Variants in HEATR5B observed in about 807,000 individuals in gnomAD.
HEATR5B encodes the protein HEAT repeat-containing protein 5B.
A neutral mutation model predicts 224.1 loss-of-function variants in HEATR5B; 156 were observed. The ratio of observed to expected loss-of-function variants is 0.70; its 90% confidence interval spans 0.61 to 0.80. HEATR5B has a LOEUF of 0.80. Among genes scored for constraint, HEATR5B ranks in the 30% least tolerant of loss-of-function variants. HEATR5B has a pLI of 0.00. For synonymous variants in HEATR5B, 1,027 were observed against 893.0 expected (o/e 1.15, Z -2.68); for missense variants, 2,323 against 2,535.5 (o/e 0.92, Z 1.80).
chr2:36,996,667 C>T (rs532565976), intron 33 of HEATR5B, among the ~76,000 whole-genome samples: 1 of 152,196 alleles, frequency 6.6e-6, no homozygotes, highest in East Asian at 1.9e-4. Context: ...TTTCGGCTCA[C>T]CGCAGCCTCT....
rs749477439 is a variant in HEATR5B, at chr2:37,068,950, C to A, written c.928-20G>T. The A allele has an allele frequency of 5.6e-6, 9 of 1,603,772 alleles. No homozygotes were observed. In the African/African-American group the frequency reaches 1.2e-4, roughly 21 times the overall value. Reference sequence around the variant, plus strand: ...ATACGCCTGTAAAAAGAGGAAGGTACGACTTCAGATACACTTACATAACTG... The same window carrying A: ...ATACGCCTGTAAAAAGAGGAAGGTAAGACTTCAGATACACTTACATAACTG... On this transcript the variant is annotated intron_variant, in intron 7 of 35. Coordinates refer to ENST00000233099, the MANE Select transcript of HEATR5B (RefSeq NM_019024.3).
intron 33 of HEATR5B, 92 bp from the exon 34 acceptor site, chr2:36,990,891 T>C: frequency 1.8e-6 from 2 of 1,119,984 alleles, no homozygotes; most frequent in Admixed American, 2.6e-5. Context: ...TGTCTTGCCA[T>C]GTTGTCCAGG....
intron 33 of HEATR5B, among the ~76,000 whole-genome samples, chr2:36,999,994 G>T (rs192168864): frequency 6.6e-6 from 1 of 151,562 alleles, no homozygotes; most frequent in Non-Finnish European, 1.5e-5. Context: ...TCTGGGTGAC[G>T]GAGCGAGACT....
intron 12 of HEATR5B, among the ~76,000 whole-genome samples, chr2:37,059,461 TATA>T (rs1444856358): frequency 0.03 from 3,236 of 109,072 alleles, 152 homozygotes; most frequent in South Asian, 0.056. Flanking sequence ...TATATATATA[TATA>T]TTTTTTTTTT....
At chr2:37,019,773 G>T in intron 26 of HEATR5B, 36 bp downstream of exon 26, 1 of 1,389,088 alleles carries the variant, frequency 7.2e-7, no homozygotes, top group Non-Finnish European at 1.0e-6. Context: ...TGAATGTATA[G>T]AAGACAACTA....
rs1670918354 is a variant in HEATR5B at position 37,056,457 on chromosome 2, A to T, written c.2382T>A (p.His794Gln). The change falls in exon 16 of 36, where the codon CAT (histidine) becomes CAA (glutamine). Residue 794 changes from histidine to glutamine, a missense_variant. His to Gln is a conservative substitution (Grantham distance 24). This residue lies in a region of HEATR5B where 170 missense variants were observed against 216.7 expected (regional missense o/e 0.78). Coordinates refer to ENST00000233099, the MANE Select transcript of HEATR5B (RefSeq NM_019024.3). Reference protein sequence around the residue: ...SVALFGVVFPHVSYKHRLQML... With the variant: ...SVALFGVVFPQVSYKHRLQML... ...ATACTAACCGGTGTTTATAAGAAAC[A>T]TGAGGAAACACTACACCAAAAAGGG... is the stretch of plus-strand genomic sequence containing the variant. The T allele has an allele frequency of 1.9e-6, 3 of 1,604,624 alleles. No homozygotes were observed. Among genetic ancestry groups the T allele is most frequent in the Non-Finnish European group, 1.7e-6 (2 of 1,177,146 alleles).
chr2:37,076,735 C>T (rs1353442307), intron 4 of HEATR5B, among the ~76,000 whole-genome samples, 176 bp downstream of exon 4: 1 of 150,814 alleles, frequency 6.6e-6, no homozygotes, highest in Non-Finnish European at 1.5e-5. Context: ...CAAAGAAAAG[C>T]ATTCTTTCCC....
At chr2:37,012,521 G>C (rs563762134) in intron 27 of HEATR5B, among the ~76,000 whole-genome samples, 1 of 152,184 alleles carries the variant, frequency 6.6e-6, no homozygotes, top group African/African-American at 2.4e-5. Context: ...CTCCCAAGTA[G>C]CTGGGATTAC....
chr2:37,024,627 A>G (rs1558746089), intron 24 of HEATR5B, among the ~76,000 whole-genome samples: 1 of 152,246 alleles, frequency 6.6e-6, no homozygotes, highest in South Asian at 2.1e-4. Flanking sequence ...GAGGTATAAT[A>G]AACTACTGCC....
At chr2:37,011,633 T>C (rs1667795010) in intron 27 of HEATR5B, among the ~76,000 whole-genome samples, 1 of 152,230 alleles carries the variant, frequency 6.6e-6, no homozygotes, top group Non-Finnish European at 1.5e-5. Context: ...CCCATGTGAA[T>C]ACCAGTTTTC....
At chr2:37,056,812 T>G (rs577938162) in intron 15 of HEATR5B, among the ~76,000 whole-genome samples, 197 bp from the exon 16 acceptor site, 1 of 152,330 alleles carries the variant, frequency 6.6e-6, no homozygotes, top group South Asian at 2.1e-4. Flanking sequence ...ATACAAATTT[T>G]AAGAAAAGCT....
intron 33 of HEATR5B, among the ~76,000 whole-genome samples, chr2:36,999,571 T>G (rs1376747376): frequency 6.6e-6 from 1 of 151,526 alleles, no homozygotes; most frequent in East Asian, 2.0e-4. Flanking sequence ...CCCAGCTACT[T>G]GGGAGGCTGA....
At chr2:37,071,496 G>C (rs1671903385) in intron 6 of HEATR5B, among the ~76,000 whole-genome samples, 1 of 152,152 alleles carries the variant, frequency 6.6e-6, no homozygotes, top group Non-Finnish European at 1.5e-5. Flanking sequence ...ATCAGAGACA[G>C]AAAATAGCAA....
rs752282393 is a variant in HEATR5B, at chr2:37,070,219, G to T, written c.927+11C>A. The T allele has an allele frequency of 1.2e-6, 2 of 1,613,566 alleles. No homozygotes were observed. The highest frequency in any genetic ancestry group is 8.5e-7 in the Non-Finnish European group (1 of 1,179,702). On this transcript the variant is annotated intron_variant, in intron 7 of 35. Transcript: ENST00000233099. ...CTGGCCAAAATTCTTTCACACATACGTGTTACAAACCTGCGTAACTCCAAC... is the reference window on the plus strand; with the variant it reads ...CTGGCCAAAATTCTTTCACACATACTTGTTACAAACCTGCGTAACTCCAAC...
At chr2:37,032,568 A>C in intron 22 of HEATR5B, 61 bp downstream of exon 22, 1 of 1,357,656 alleles carries the variant, frequency 7.4e-7, no homozygotes, top group South Asian at 1.3e-5. Flanking sequence ...GATAAATAGT[A>C]CTTAACTGAA....
intron 19 of HEATR5B, 182 bp downstream of exon 19, chr2:37,040,951 C>A: frequency 1.9e-6 from 1 of 534,678 alleles, no homozygotes; most frequent in South Asian, 3.2e-5. Flanking sequence ...GGGTAAAATT[C>A]TCAGAATAAG....
intron 34 of HEATR5B, 143 bp from the exon 35 acceptor site, chr2:36,989,002 GTAGAA>G (rs1201125207): frequency 1.9e-5 from 12 of 633,300 alleles, no homozygotes; most frequent in African/African-American, 1.3e-4. Context: ...GAGAAATGGA[GTAGAA>G]TAGAATTTTG....
intron 13 of HEATR5B, 54 bp downstream of exon 13, chr2:37,058,834 G>A (rs1671074263): frequency 4.7e-6 from 5 of 1,058,962 alleles, no homozygotes; most frequent in Non-Finnish European, 5.6e-6. Context: ...TGGCTGAGAA[G>A]TATATTATTA....
At chr2:37,058,592 T>G (rs761487363) in intron 13 of HEATR5B, 32 bp from the exon 14 acceptor site, 1 of 1,424,024 alleles carries the variant, frequency 7.0e-7, no homozygotes, top group South Asian at 1.2e-5. Flanking sequence ...TGGTAATGGC[T>G]TACCAGAATA....
Sources: gnomAD v4.1 joint callset for allele counts (sites outside exome capture counted in the v4.1 genomes callset) on GRCh38, gnomAD v4.1.1 for gene constraint, gnomAD v4.1.1 regional missense constraint, MANE v1.5 for transcripts, NCBI Gene and HGNC (gene_info 2026-07-23, HGNC 2026-07-21) for gene names.